Variants in FBN1 observed in about 807,000 individuals in gnomAD.
FBN1 encodes fibrillin-1.
In FBN1, 29 loss-of-function variants were observed where a neutral mutation model predicts 365.1. The ratio of observed to expected loss-of-function variants is 0.08; its 90% CI spans 0.06 to 0.11. FBN1 has a LOEUF of 0.11. Ranked by LOEUF, FBN1 falls within the 10% of genes least tolerant of loss-of-function variation. The pLI is 1.00. For synonymous variants in FBN1, 1,210 were observed against 1,270.5 expected, an observed-to-expected ratio of 0.95 and a Z score of 1.01; for missense variants, 2,476 against 3,703.2, an observed-to-expected ratio of 0.67 and a Z score of 8.60.
At position 48,531,286 on chromosome 15, in the gene FBN1, AAG is replaced by A. The variant is rs2043970857; in HGVS notation, c.862+2792_862+2793del. On this transcript the variant is annotated intron_variant, in intron 8 of 65. Coordinates refer to ENST00000316623, the MANE Select transcript of FBN1 (RefSeq NM_000138.5). ...ATTTCTTTTTTTTTTAGTTTTTGGAAAGAGGGACATTTTAGGAAGGAAGTGAG... is the reference window on the plus strand; with the variant it reads ...ATTTCTTTTTTTTTTAGTTTTTGGAAAGGGACATTTTAGGAAGGAAGTGAG... Among the ~76,000 whole-genome samples, 4 of 152,098 alleles carry A rather than the reference AAG, an allele frequency of 2.6e-5. No individual in the cohort carries two copies. The South Asian group carries it at 8.3e-4, about 32-fold the overall frequency.
At position 48,437,383 on chromosome 15, in the gene FBN1, G is replaced by A. The variant is rs1237004120; in HGVS notation, c.6318C>T (p.Ala2106=). The change falls in exon 52 of 66, where the codon GCC becomes GCT. Residue 2106 remains alanine (A), a synonymous_variant. Coordinates refer to ENST00000316623, the MANE Select transcript of FBN1 (RefSeq NM_000138.5). ...CELCPTEPDE[A]FRQICPYGSG... ...TTCCATAAGGACATATCTGGCGGAAGGCCTCTGTGGTGGAGACACTCATTA... is the reference window on the plus strand; with the variant it reads ...TTCCATAAGGACATATCTGGCGGAAAGCCTCTGTGGTGGAGACACTCATTA... The A allele has an allele frequency of 1.9e-6, 3 of 1,612,726 alleles. No homozygotes were observed. The highest frequency in any genetic ancestry group is 2.7e-5 in the African/African-American group (2 of 74,996).
chr15:48,506,924 C>G (rs1376929440), intron 15 of FBN1, among the ~76,000 whole-genome samples: 1 of 152,050 alleles, frequency 6.6e-6, no homozygotes, highest in East Asian at 1.9e-4. Flanking sequence ...GTGGAGCTCT[C>G]TCTCTCTCTC....
Position 48,612,976 on chromosome 15 carries a change from G to C in FBN1, c.247+34C>G, listed in dbSNP as rs373739235. The C allele has an allele frequency of 2.5e-4, 367 of 1,486,260 alleles. 2 individuals carry two copies. The highest frequency in any genetic ancestry group is 1.0e-3 in the Middle Eastern group (6 of 5,830). The allele number at this position is 1,486,260 out of a possible 1,614,324, so 92.1% of individuals were successfully genotyped here. ...CATGCAACCAACACAACAAAAGAAG[G>C]ACATGCAGAATGACAAGTTTTCTAT... On this transcript the variant is annotated intron_variant, in intron 3 of 65. Transcript: ENST00000316623.
In FBN1 at chr15:48,425,454, A is replaced by G; in HGVS notation, c.7368T>C (p.Asn2456=). Residue 2456 remains asparagine (N), a synonymous_variant, in exon 60 of 66, where the codon AAT becomes AAC. Coordinates refer to ENST00000316623, the MANE Select transcript of FBN1 (RefSeq NM_000138.5). ...NECNQAPKPC[N]FICKNTEGSY... ...TCCCTTCTGTGTTTTTGCAGATAAAATTGCAGGGTTTGGGAGCCTGGTTGC... is the reference window on the plus strand; with the variant it reads ...TCCCTTCTGTGTTTTTGCAGATAAAGTTGCAGGGTTTGGGAGCCTGGTTGC... 6.2e-7 allele frequency: 1 copy of G among 1,614,120 alleles called. No individual in the cohort carries two copies.
intron 50 of FBN1, among the ~76,000 whole-genome samples, chr15:48,440,653 A>C (rs1456287208): frequency 6.6e-6 from 1 of 152,218 alleles, no homozygotes; most frequent in Non-Finnish European, 1.5e-5. Flanking sequence ...AAAGTTAATC[A>C]GATCATTAGA....
intron 6 of FBN1, among the ~76,000 whole-genome samples, chr15:48,595,056 T>C (rs948521899): frequency 6.6e-6 from 1 of 152,210 alleles, no homozygotes; most frequent in Admixed American, 6.5e-5. Context: ...TAAAGGTCTA[T>C]TATGCATTAC....
At chr15:48,565,256 A>G (rs72739827) in intron 6 of FBN1, among the ~76,000 whole-genome samples, 8 of 152,256 alleles carry the variant, frequency 5.3e-5, no homozygotes, top group Non-Finnish European at 1.0e-4. Flanking sequence ...TTCTCCAGAG[A>G]GAAATAAAGC....
At chr15:48,622,383 C>T (rs1434067765) in intron 2 of FBN1, among the ~76,000 whole-genome samples, 1 of 152,126 alleles carries the variant, frequency 6.6e-6, no homozygotes, top group African/African-American at 2.4e-5. Context: ...ATGGTAAGCT[C>T]AGAAGAGGAC....
chr15:48,479,190 T>A (rs1055236596), intron 32 of FBN1, among the ~76,000 whole-genome samples: 3 of 152,212 alleles, frequency 2.0e-5, no homozygotes, highest in Admixed American at 6.5e-5. Flanking sequence ...AATTTTAAAC[T>A]AAAAGCAGCT....
At chr15:48,556,306 G>C (rs1467143905) in intron 6 of FBN1, among the ~76,000 whole-genome samples, 1 of 152,156 alleles carries the variant, frequency 6.6e-6, no homozygotes, top group East Asian at 1.9e-4. Flanking sequence ...CAAAATAGTT[G>C]TTGGAAAGAA....
At chr15:48,445,167 T>TAC (rs769085069) in intron 48 of FBN1, among the ~76,000 whole-genome samples, 1 of 140,482 alleles carries the variant, frequency 7.1e-6, no homozygotes, top group Non-Finnish European at 1.5e-5. Flanking sequence ...CATATATATA[T>TAC]ACACACATAT....
chr15:48,569,442 A>C (rs1566929061), intron 6 of FBN1, among the ~76,000 whole-genome samples: 1 of 152,164 alleles, frequency 6.6e-6, no homozygotes, highest in Non-Finnish European at 1.5e-5. Flanking sequence ...TAAACTTGGC[A>C]TATAATCCAG....
chr15:48,625,575 A>G (rs888639954), intron 2 of FBN1, among the ~76,000 whole-genome samples: 1 of 152,154 alleles, frequency 6.6e-6, no homozygotes, highest in African/African-American at 2.4e-5. Context: ...TGAATCAGAG[A>G]CTTAAAACCT....
At position 48,510,004 on chromosome 15, in the gene FBN1, C is replaced by T. The variant is rs770405838; in HGVS notation, c.1714+40G>A. The T allele has an allele frequency of 4.4e-6, 7 of 1,608,486 alleles. No homozygotes were observed. In the East Asian group the frequency reaches 1.6e-4, roughly 36 times the overall value. ...TTAAAGACCCCTGATATTGAAACTG[C>T]AATGGAAGGAGAGGACTAACATTAG... On this transcript the variant is annotated intron_variant, in intron 14 of 65. Coordinates refer to ENST00000316623, the MANE Select transcript of FBN1 (RefSeq NM_000138.5).
chr15:48,440,539 C>A (rs2088696515), intron 50 of FBN1, among the ~76,000 whole-genome samples: 1 of 151,950 alleles, frequency 6.6e-6, no homozygotes, highest in Admixed American at 6.6e-5. Flanking sequence ...TAAGCACCAC[C>A]CTGAAATCCA....
rs1448036638 is a variant in FBN1 at position 48,409,273 on chromosome 15, TG to T, written c.*1716del. ...GAGTAGCTCTATAATTGGGACCGTG[TG>T]TATTAAACTGGGGCTGACATCAGCT... On this transcript the variant is annotated 3_prime_UTR_variant, in exon 66 of 66. Coordinates refer to ENST00000316623, the MANE Select transcript of FBN1 (RefSeq NM_000138.5). 6.6e-6 allele frequency: 1 copy of T among 152,194 alleles called. No homozygotes were observed. The highest frequency in any genetic ancestry group is 6.5e-5 in the Admixed American group (1 of 15,284). The allele number at this position is 152,194 out of a possible 1,614,324, so 9.4% of individuals were successfully genotyped here.
chr15:48,603,294 A>C (rs564520364), intron 4 of FBN1, among the ~76,000 whole-genome samples: 1 of 152,328 alleles, frequency 6.6e-6, no homozygotes, highest in East Asian at 1.9e-4. Flanking sequence ...CCTTGGGGGA[A>C]GCCAGGAGGA....
At chr15:48,611,232 T>C (rs1055933492) in intron 3 of FBN1, among the ~76,000 whole-genome samples, 2 of 152,180 alleles carry the variant, frequency 1.3e-5, no homozygotes, top group Non-Finnish European at 2.9e-5. Flanking sequence ...TTATTACTCT[T>C]GGGAGCCAAT....
chr15:48,568,049 G>GAAAGAAAGAAAGA (rs369157930), intron 6 of FBN1, among the ~76,000 whole-genome samples: 69 of 40,138 alleles, frequency 1.7e-3, no homozygotes, highest in African/African-American at 6.6e-3. Flanking sequence ...AAGAAAGAAA[G>GAAAGAAAGAAAGA]AAGAAAGAAA....
Sources: gnomAD v4.1 joint callset for allele counts (sites outside exome capture counted in the v4.1 genomes callset) on GRCh38, gnomAD v4.1.1 for gene constraint, MANE v1.5 for transcripts, NCBI Gene and HGNC (gene_info 2026-07-23, HGNC 2026-07-21) for gene names.